Variants in LSAMP observed in about 807,000 individuals in gnomAD.
LSAMP encodes the protein limbic system associated membrane protein.
A neutral mutation model predicts 38.6 loss-of-function variants in LSAMP; 7 were observed. That is an observed-to-expected ratio of 0.18 (90% CI 0.10 to 0.34). The LOEUF (loss-of-function observed/expected upper bound fraction) is 0.34. Ranked by LOEUF, LSAMP falls within the 10% of genes least tolerant of loss-of-function variation. The pLI is 1.00. For missense variants in LSAMP, 313 were observed against 420.0 expected, an observed-to-expected ratio of 0.75 and a Z score of 2.23; for synonymous variants, 154 against 166.8, an observed-to-expected ratio of 0.92 and a Z score of 0.59.
rs1033559330 is a variant in LSAMP at position 116,098,211 on chromosome 3, C to T, written c.156-11655G>A. Among the ~76,000 whole-genome samples, 9 of 152,096 alleles carry T rather than the reference C, an allele frequency of 5.9e-5. No individual in the cohort carries two copies. In the East Asian group the frequency reaches 1.8e-3, roughly 30 times the overall value. ...GATCACGATGGATGCGTATAAATCA[C>T]AAGGAGCCCGGGCGCAGTGGCTCAC... is the stretch of plus-strand genomic sequence containing the variant. On this transcript the variant is annotated intron_variant, in intron 1 of 6. Transcript: ENST00000490035.
chr3:115,947,392 T>C (rs1938134487), intron 3 of LSAMP, among the ~76,000 whole-genome samples: 2 of 152,174 alleles, frequency 1.3e-5, no homozygotes, highest in Admixed American at 6.5e-5. Context: ...TGCATGAACA[T>C]ATACAGAATA....
At chr3:115,907,257 A>T (rs1937028799) in intron 3 of LSAMP, among the ~76,000 whole-genome samples, 1 of 152,016 alleles carries the variant, frequency 6.6e-6, no homozygotes, top group Admixed American at 6.6e-5. Flanking sequence ...TGTCCCGCAT[A>T]AAATTTATAT....
chr3:116,318,891 T>C (rs2047669466), intron 1 of LSAMP, among the ~76,000 whole-genome samples: 1 of 151,740 alleles, frequency 6.6e-6, no homozygotes, highest in South Asian at 2.1e-4. Context: ...ACCTCTATTC[T>C]ATCAGGCTGA....
intron 1 of LSAMP, among the ~76,000 whole-genome samples, chr3:116,192,821 T>C (rs1319810559): frequency 1.3e-5 from 2 of 152,202 alleles, no homozygotes; most frequent in Non-Finnish European, 2.9e-5. Context: ...CTAAGGACCT[T>C]TTCAGCTCTG....
In LSAMP at chr3:116,198,695, C is replaced by T. The variant is rs756956917; in HGVS notation, c.156-112139G>A. Among the ~76,000 whole-genome samples, 3 of 147,948 alleles carry T rather than the reference C, an allele frequency of 2.0e-5. No homozygotes were observed. The South Asian group carries it at 6.6e-4, about 33-fold the overall frequency. On this transcript the variant is annotated intron_variant, in intron 1 of 6. Coordinates refer to ENST00000490035, the MANE Select transcript of LSAMP (RefSeq NM_002338.5). ...CTGAGGCAGGAGAATGACGTGAACT[C>T]GGGAGGCGCAGCTTATAGTGAGCCT...
chr3:115,973,659 G>A (rs1020275532), intron 3 of LSAMP, among the ~76,000 whole-genome samples: 4 of 152,072 alleles, frequency 2.6e-5, no homozygotes, highest in Admixed American at 1.3e-4. Context: ...ACTTGAACCC[G>A]GGAGGTGGAG....
At chr3:116,280,878 C>A (rs1054017544) in intron 1 of LSAMP, among the ~76,000 whole-genome samples, 1 of 152,050 alleles carries the variant, frequency 6.6e-6, no homozygotes, top group African/African-American at 2.4e-5. Flanking sequence ...TAGTTTTTTT[C>A]TGACATAACA....
intron 3 of LSAMP, among the ~76,000 whole-genome samples, chr3:115,973,160 G>C (rs1200551577): frequency 6.6e-6 from 1 of 152,038 alleles, no homozygotes. Context: ...TTAGTCAATG[G>C]GTAATAAAAA....
chr3:116,008,511 A>G (rs1940231060), intron 3 of LSAMP, among the ~76,000 whole-genome samples: 1 of 152,224 alleles, frequency 6.6e-6, no homozygotes, highest in Non-Finnish European at 1.5e-5. Context: ...ATAAAAGATG[A>G]TGAGAAAAGT....
At chr3:115,957,879 A>G (rs1652372928) in intron 3 of LSAMP, among the ~76,000 whole-genome samples, 1 of 152,136 alleles carries the variant, frequency 6.6e-6, no homozygotes, top group South Asian at 2.1e-4. Context: ...TTTGTCTACT[A>G]GCTGTATACC....
chr3:116,440,317 G>C (rs950807896), intron 1 of LSAMP, among the ~76,000 whole-genome samples: 3 of 152,176 alleles, frequency 2.0e-5, no homozygotes, highest in African/African-American at 7.2e-5. Context: ...AGAGACCAGG[G>C]TAAAATGCAC....
intron 6 of LSAMP, among the ~76,000 whole-genome samples, chr3:115,817,076 A>G (rs1007574771): frequency 6.6e-6 from 1 of 152,210 alleles, no homozygotes; most frequent in Non-Finnish European, 1.5e-5. Context: ...GATCAAGTCT[A>G]TTCCAACTTA....
chr3:115,842,563 G>C lies in LSAMP; in HGVS notation c.665C>G (p.Thr222Arg). The C allele has an allele frequency of 6.2e-7, 1 of 1,613,512 alleles. No homozygotes were observed. The highest frequency in any genetic ancestry group is 1.1e-5 in the South Asian group (1 of 91,062). Reference sequence around the variant, plus strand: ...GGTGGCTTCATTGCTCTTGGATTCTGTGATAGTGGGAGGATCTGTAGGAAG... The same window carrying C: ...GGTGGCTTCATTGCTCTTGGATTCTCTGATAGTGGGAGGATCTGTAGGAAG... ...KVTVNYPPTI[T>R]ESKSNEATTG... Residue 222 changes from threonine (T) to arginine (R), a missense_variant, in exon 5 of 7, where the codon ACA becomes AGA. Physicochemically the swap from Thr to Arg is moderately conservative, Grantham distance 71. Transcript: ENST00000490035.
intron 1 of LSAMP, among the ~76,000 whole-genome samples, chr3:116,088,316 T>C (rs1164626349): frequency 6.6e-6 from 1 of 152,250 alleles, no homozygotes; most frequent in Non-Finnish European, 1.5e-5. Flanking sequence ...TGTGCTTCTC[T>C]GCCATGCATA....
At chr3:115,874,403 C>T (rs1056725683) in intron 3 of LSAMP, among the ~76,000 whole-genome samples, 1 of 152,072 alleles carries the variant, frequency 6.6e-6, no homozygotes, top group Non-Finnish European at 1.5e-5. Flanking sequence ...TGTTTTGTCT[C>T]TATTCTCTCA....
chr3:116,243,608 G>A (rs1208265160), intron 1 of LSAMP, among the ~76,000 whole-genome samples: 1 of 152,142 alleles, frequency 6.6e-6, no homozygotes, highest in Admixed American at 6.5e-5. Flanking sequence ...CCCTGAAACA[G>A]TGAGAACTCA....
At chr3:116,062,503 G>A (rs1256596780) in intron 2 of LSAMP, among the ~76,000 whole-genome samples, 2 of 151,978 alleles carry the variant, frequency 1.3e-5, no homozygotes, top group Admixed American at 6.6e-5. Flanking sequence ...GCGACAGAGC[G>A]AGACTCCCTC....
intron 1 of LSAMP, among the ~76,000 whole-genome samples, chr3:116,322,208 C>A (rs1487321116): frequency 1.3e-5 from 2 of 152,170 alleles, no homozygotes; most frequent in Non-Finnish European, 2.9e-5. Context: ...ACATCTTTCT[C>A]ACTCAGTAAC....
At chr3:115,834,481 C>A in intron 6 of LSAMP, 1 of 1,023,690 alleles carries the variant, frequency 9.8e-7, no homozygotes, top group South Asian at 1.3e-5. Context: ...AATGTGTTTT[C>A]CCCCCTTTGT....
Sources: allele counts gnomAD v4.1 joint callset (sites outside exome capture counted in the v4.1 genomes callset), GRCh38; gene constraint gnomAD v4.1.1; transcripts MANE v1.5; gene names NCBI Gene and HGNC (gene_info 2026-07-23, HGNC 2026-07-21).